Variants in HPSE2 observed in about 807,000 individuals in gnomAD.
HPSE2 encodes the protein inactive heparanase-2.
Under a neutral mutation model 60.5 loss-of-function variants are expected in HPSE2, and 38 were observed. The observed-to-expected ratio is 0.63, with a 90% confidence interval of 0.48 to 0.82. HPSE2 has a LOEUF of 0.82. Among genes scored for constraint, HPSE2 ranks in the 40% least tolerant of loss-of-function variants. HPSE2 has a pLI of 0.00. For synonymous variants in HPSE2, 295 were observed against 293.2 expected (o/e 1.01, Z -0.06); for missense variants, 713 against 740.4 (o/e 0.96, Z 0.43).
intron 2 of HPSE2, among the ~76,000 whole-genome samples, chr10:99,183,787 C>T (rs1184987396): frequency 6.6e-6 from 1 of 152,176 alleles, no homozygotes; most frequent in Non-Finnish European, 1.5e-5. Context: ...GTAAGTGAAG[C>T]AATCACCATA....
intron 9 of HPSE2, among the ~76,000 whole-genome samples, chr10:98,510,122 T>A (rs1942340317): frequency 6.6e-6 from 1 of 152,220 alleles, no homozygotes; most frequent in African/African-American, 2.4e-5. Context: ...TTCTGAAGTT[T>A]TTTTAATCAC....
chr10:98,690,176 C>T (rs1948037839), intron 6 of HPSE2, among the ~76,000 whole-genome samples: 1 of 152,210 alleles, frequency 6.6e-6, no homozygotes, highest in Admixed American at 6.5e-5. Context: ...TTCTCCTTGA[C>T]ACTTCAAGCC....
At chr10:98,939,597 C>G (rs1314213546) in intron 3 of HPSE2, among the ~76,000 whole-genome samples, 1 of 143,296 alleles carries the variant, frequency 7.0e-6, no homozygotes, top group Non-Finnish European at 1.5e-5. Context: ...CCTGAGTGAC[C>G]TACAAAGAGA....
chr10:98,484,533 G>A (rs563565967), intron 10 of HPSE2, among the ~76,000 whole-genome samples: 13 of 152,258 alleles, frequency 8.5e-5, no homozygotes, highest in African/African-American at 2.9e-4. Flanking sequence ...CACCATGCCC[G>A]GACACCTTTG....
intron 11 of HPSE2, among the ~76,000 whole-genome samples, chr10:98,462,959 C>CTTTT (rs56061368): frequency 6.8e-6 from 1 of 146,594 alleles, no homozygotes; most frequent in Non-Finnish European, 1.5e-5. Flanking sequence ...CTTATCTCTG[C>CTTTT]TTTTTTTTTT....
chr10:98,562,714 CAAAAA>C (rs34420790), intron 9 of HPSE2, among the ~76,000 whole-genome samples: 4 of 88,870 alleles, frequency 4.5e-5, no homozygotes, highest in African/African-American at 8.0e-5. Context: ...GACTCTGTCT[CAAAAA>C]AAAAAAAAAA....
chr10:98,956,065 T>C (rs1955503092), intron 3 of HPSE2, among the ~76,000 whole-genome samples: 1 of 152,084 alleles, frequency 6.6e-6, no homozygotes, highest in African/African-American at 2.4e-5. Context: ...CGTTTACCCA[T>C]GTAACAAACT....
At chr10:99,160,898 CAAAAAAA>C (rs60506210) in intron 2 of HPSE2, among the ~76,000 whole-genome samples, 4 of 55,444 alleles carry the variant, frequency 7.2e-5, no homozygotes, top group South Asian at 1.1e-3. Flanking sequence ...GACTCCGTCT[CAAAAAAA>C]AAAAAAAAAA....
chr10:98,531,337 C>T (rs192665504), intron 9 of HPSE2, among the ~76,000 whole-genome samples: 1 of 152,314 alleles, frequency 6.6e-6, no homozygotes, highest in Non-Finnish European at 1.5e-5. Context: ...CGGCTAAGCT[C>T]TCCCCTTAGT....
chr10:99,297,930 T>C, the HPSE2 span, among the ~76,000 whole-genome samples: 1 of 152,332 alleles, frequency 6.6e-6, no homozygotes, highest in East Asian at 1.9e-4. Flanking sequence ...GTCTTGCCTT[T>C]TTCTGCCCTA....
chr10:99,100,996 C>T (rs369878825), intron 3 of HPSE2, among the ~76,000 whole-genome samples: 12 of 152,164 alleles, frequency 7.9e-5, no homozygotes, highest in Admixed American at 6.5e-4. Context: ...AAGCACTAAA[C>T]ATGGAAAGGA....
chr10:98,951,852 C>T (rs956106507), intron 3 of HPSE2, among the ~76,000 whole-genome samples: 2 of 152,150 alleles, frequency 1.3e-5, no homozygotes. Context: ...TTCTCTACTA[C>T]AAGCTTAACA....
At chr10:99,033,826 G>A (rs1048103412) in intron 3 of HPSE2, among the ~76,000 whole-genome samples, 13 of 151,676 alleles carry the variant, frequency 8.6e-5, no homozygotes, top group South Asian at 2.1e-4. Context: ...AACAACAGCA[G>A]GCGCTATAAA....
intron 4 of HPSE2, among the ~76,000 whole-genome samples, chr10:98,741,995 A>G (rs1397709280): frequency 1.3e-5 from 2 of 152,194 alleles, no homozygotes; most frequent in Non-Finnish European, 2.9e-5. Flanking sequence ...GTCAAAAAAT[A>G]TAAATAGAAG....
intron 3 of HPSE2, among the ~76,000 whole-genome samples, chr10:99,100,282 T>C (rs1024727877): frequency 4.6e-5 from 7 of 152,066 alleles, no homozygotes; most frequent in Non-Finnish European, 1.0e-4. Context: ...ATAACCAGCA[T>C]AGAGAAGTCC....
At chr10:98,890,472 A>T (rs574670808) in intron 3 of HPSE2, among the ~76,000 whole-genome samples, 4 of 152,346 alleles carry the variant, frequency 2.6e-5, no homozygotes, top group African/African-American at 9.6e-5. Flanking sequence ...CCTGTACATT[A>T]TGATTTTAAC....
chr10:99,163,333 A>G (rs1418476248), intron 2 of HPSE2, among the ~76,000 whole-genome samples: 6 of 152,174 alleles, frequency 3.9e-5, no homozygotes, highest in Admixed American at 1.3e-4. Flanking sequence ...ACATTTTGCC[A>G]TATTTCCTTC....
chr10:98,956,365 T>C (rs944544135), intron 3 of HPSE2, among the ~76,000 whole-genome samples: 3 of 152,174 alleles, frequency 2.0e-5, no homozygotes, highest in Admixed American at 2.0e-4. Flanking sequence ...AAACATGATA[T>C]GTTAAATTGG....
intron 9 of HPSE2, among the ~76,000 whole-genome samples, chr10:98,604,854 G>C (rs1945531410): frequency 1.3e-5 from 2 of 152,164 alleles, no homozygotes; most frequent in African/African-American, 4.8e-5. Flanking sequence ...CTCTACATTA[G>C]AGACAGACCC....
Sources: allele counts gnomAD v4.1 joint callset (sites outside exome capture counted in the v4.1 genomes callset), GRCh38; gene constraint gnomAD v4.1.1; transcripts MANE v1.5; gene names NCBI Gene and HGNC (gene_info 2026-07-23, HGNC 2026-07-21).